DMXL1: variants seen among roughly 807,000 people sequenced by gnomAD.
The protein encoded by DMXL1 is dmX-like protein 1.
Under a neutral mutation model 319.2 loss-of-function variants are expected in DMXL1, and 99 were observed. The ratio of observed to expected loss-of-function variants is 0.31; its 90% CI spans 0.26 to 0.37. The LOEUF (loss-of-function observed/expected upper bound fraction) is 0.37, where lower values mean the gene tolerates loss of function less well. Ranked by LOEUF, DMXL1 falls within the 10% of genes least tolerant of loss-of-function variation. The pLI is 1.00. For missense variants in DMXL1, 3,745 were observed against 3,595.6 expected, an observed-to-expected ratio of 1.04 and a Z score of -1.06; for synonymous variants, 1,385 against 1,235.2, an observed-to-expected ratio of 1.12 and a Z score of -2.54.
chr5:119,103,540 T>A (rs1033493878), intron 3 of DMXL1, among the ~76,000 whole-genome samples: 1 of 152,176 alleles, frequency 6.6e-6, no homozygotes, highest in Non-Finnish European at 1.5e-5. Context: ...TAGGTGTGAG[T>A]GTTCTTTCCT....
At chr5:119,196,764 A>T (rs527449936) in intron 31 of DMXL1, among the ~76,000 whole-genome samples, 4 of 152,306 alleles carry the variant, frequency 2.6e-5, no homozygotes, top group Non-Finnish European at 4.4e-5. Context: ...AAGCAAATGC[A>T]AAAGCTAGCA....
At position 119,149,487 on chromosome 5, in the gene DMXL1, G is replaced by C. The variant is rs765122441; in HGVS notation, c.3660G>C (p.Ser1220=). The change falls in exon 18 of 44, where the codon TCG becomes TCC. Residue 1220 remains serine, a synonymous_variant. Coordinates refer to ENST00000539542, the MANE Select transcript of DMXL1 (RefSeq NM_001290321.3). The part of the protein sequence containing the change: ...DGSPPFPVSL[S]WVRDGILVVG... ...CCCCACCTTTTCCTGTTTCTTTATC[G>C]TGGGTCCGGGATGGCATCCTTGTGG... is the stretch of plus-strand genomic sequence containing the variant. 6.2e-7 allele frequency: 1 copy of C among 1,613,864 alleles called. No homozygotes were observed. The highest frequency in any genetic ancestry group is 1.1e-5 in the South Asian group (1 of 91,082).
chr5:119,189,665 A>T (rs765885688), intron 28 of DMXL1, 43 bp from the exon 29 acceptor site: 1 of 1,579,216 alleles, frequency 6.3e-7, no homozygotes, highest in East Asian at 2.2e-5. Context: ...AATAAATGCA[A>T]TGAAAATAGT....
chr5:119,159,998 T>C (rs1290556534), intron 19 of DMXL1, among the ~76,000 whole-genome samples: 2 of 152,200 alleles, frequency 1.3e-5, no homozygotes, highest in African/African-American at 2.4e-5. Context: ...TGTTCAGGTT[T>C]TTTTCCCCTG....
chr5:119,169,964 G>A (rs1774218905), intron 23 of DMXL1, among the ~76,000 whole-genome samples: 1 of 152,166 alleles, frequency 6.6e-6, no homozygotes, highest in Admixed American at 6.5e-5. Context: ...GAAGAGACTT[G>A]TTTCAATGGG....
chr5:119,169,684 C>A (rs1310741395), intron 23 of DMXL1, among the ~76,000 whole-genome samples: 3 of 152,130 alleles, frequency 2.0e-5, no homozygotes, highest in Admixed American at 6.5e-5. Context: ...TTTAGGTTTT[C>A]AGTGTGAAGT....
intron 39 of DMXL1, among the ~76,000 whole-genome samples, chr5:119,234,633 T>C (rs985530482): frequency 1.3e-5 from 2 of 152,196 alleles, no homozygotes; most frequent in African/African-American, 4.8e-5. Flanking sequence ...GGGAACTTAG[T>C]ACAGATGCCT....
At chr5:119,112,652 A>G (rs898320650) in intron 5 of DMXL1, among the ~76,000 whole-genome samples, 1 of 152,186 alleles carries the variant, frequency 6.6e-6, no homozygotes, top group African/African-American at 2.4e-5. Flanking sequence ...TTTTGCATAA[A>G]TAATTCTTTA....
rs1266673200 is a variant in DMXL1, at chr5:119,177,448, G to A, written c.6850G>A (p.Ala2284Thr). 7 of 1,609,612 alleles carry A rather than the reference G, an allele frequency of 4.3e-6. No individual in the cohort carries two copies. The highest frequency in any genetic ancestry group is 5.1e-6 in the Non-Finnish European group (6 of 1,177,322). ...PSLKTGSLDE[A>T]LTPNTSPAQW... Reference sequence around the variant, plus strand: ...TTTGAAAACAGGAAGCTTAGATGAAGCATTAACTCCCAATACGTCACCAGC... The same window carrying A: ...TTTGAAAACAGGAAGCTTAGATGAAACATTAACTCCCAATACGTCACCAGC... Residue 2284 changes from alanine to threonine, a missense_variant, in exon 27 of 44, where the codon GCA becomes ACA. By Grantham distance (58) the Ala-to-Thr change is moderately conservative. Around this residue, in one of 4 missense-constraint regions of DMXL1, gnomAD observed 1,382 missense variants for 1,269.5 expected, o/e 1.09. Transcript: ENST00000539542.
At chr5:119,094,347 C>T (rs1339838538) in intron 1 of DMXL1, among the ~76,000 whole-genome samples, 2 of 152,228 alleles carry the variant, frequency 1.3e-5, no homozygotes, top group Non-Finnish European at 2.9e-5. Context: ...TGCCTGTGCT[C>T]TACAAGTGGA....
Position 119,120,990 on chromosome 5 carries a change from G to A in DMXL1, c.953G>A (p.Arg318His), listed in dbSNP as rs147131063. 2.1e-5 allele frequency: 33 copies of A among 1,606,970 alleles called. No individual in the cohort carries two copies. Among genetic ancestry groups the A allele is most frequent in the Non-Finnish European group, 2.5e-5 (29 of 1,178,198 alleles). ...NALEVNLRHFRRGRRRSLALV... is the reference protein window; with the variant it reads ...NALEVNLRHFHRGRRRSLALV... ...ACACAGGTAAATCTGAGACATTTTC[G>A]TAGAGGTCGGAGGAGATCACTTGCT... Residue 318 changes from arginine (R) to histidine (H), a missense_variant, in exon 9 of 44, where the codon CGT becomes CAT. Arg to His is a conservative substitution (Grantham distance 29). Transcript: ENST00000539542.
chr5:119,174,199 G>C (rs754446568), intron 25 of DMXL1, among the ~76,000 whole-genome samples: 1 of 152,038 alleles, frequency 6.6e-6, no homozygotes, highest in Non-Finnish European at 1.5e-5. Flanking sequence ...AATAATGTTT[G>C]GTCAAATGTC....
chr5:119,178,618 C>T, intron 28 of DMXL1: 1 of 985,378 alleles, frequency 1.0e-6, no homozygotes, highest in Non-Finnish European at 1.2e-6. Flanking sequence ...TAGTGGTATT[C>T]TCCATGGAAT....
intron 22 of DMXL1, among the ~76,000 whole-genome samples, chr5:119,167,140 T>G (rs1773593513): frequency 6.6e-6 from 1 of 152,158 alleles, no homozygotes; most frequent in Non-Finnish European, 1.5e-5. Flanking sequence ...AACTGATTAT[T>G]TCTTAGTAAA....
intron 22 of DMXL1, among the ~76,000 whole-genome samples, 194 bp from the exon 23 acceptor site, chr5:119,167,409 G>C (rs766046059): frequency 6.6e-6 from 1 of 151,986 alleles, no homozygotes; most frequent in Non-Finnish European, 1.5e-5. Flanking sequence ...AGGTAGGTTT[G>C]CAGTTATTAA....
rs570190235 is a variant in DMXL1 at position 119,149,364 on chromosome 5, A to G, written c.3537A>G (p.Glu1179=). Residue 1179 remains glutamate, a synonymous_variant, in exon 18 of 44, where the codon GAA becomes GAG. Transcript: ENST00000539542. Reference sequence around the variant, plus strand: ...AGGTACAAGACCAAACTGGTAAGGAAACCCTGGCATTTCCTCTCTGGGAGA... The same window carrying G: ...AGGTACAAGACCAAACTGGTAAGGAGACCCTGGCATTTCCTCTCTGGGAGA... ...AGKVQDQTGK[E]TLAFPLWEST... The G allele has an allele frequency of 3.8e-4, 618 of 1,613,946 alleles. 2 individuals carry two copies. In the South Asian group the frequency reaches 6.2e-3, roughly 16 times the overall value.
intron 24 of DMXL1, 57 bp downstream of exon 24, chr5:119,171,337 T>A: frequency 6.6e-7 from 1 of 1,509,598 alleles, no homozygotes; most frequent in East Asian, 2.3e-5. Flanking sequence ...TTTTTGGTGT[T>A]TCTTTTTTGG....
At chr5:119,077,672 ATATGTG>A (rs1268799795) in intron 1 of DMXL1, among the ~76,000 whole-genome samples, 1 of 127,060 alleles carries the variant, frequency 7.9e-6, no homozygotes, top group African/African-American at 3.4e-5. Context: ...GTGTGTATAT[ATATGTG>A]TGTGTGTGTG....
intron 13 of DMXL1, among the ~76,000 whole-genome samples, chr5:119,142,750 A>G (rs577650055): frequency 6.6e-6 from 1 of 152,250 alleles, no homozygotes; most frequent in African/African-American, 2.4e-5. Flanking sequence ...TGTTCATTGC[A>G]GCATTATTCA....
Sources: gnomAD v4.1 joint callset for allele counts (sites outside exome capture counted in the v4.1 genomes callset) on GRCh38, gnomAD v4.1.1 for gene constraint, gnomAD v4.1.1 regional missense constraint, MANE v1.5 for transcripts, NCBI Gene and HGNC (gene_info 2026-07-23, HGNC 2026-07-21) for gene names.